RELN: variants seen among roughly 807,000 people sequenced by gnomAD.
The protein encoded by RELN is reelin.
Under a neutral mutation model 427.6 loss-of-function variants are expected in RELN, and 108 were observed. That is an observed-to-expected ratio of 0.25 (90% CI 0.22 to 0.30). RELN has a LOEUF of 0.30. Ranked by LOEUF, RELN falls within the 10% of genes least tolerant of loss-of-function variation. The probability of loss-of-function intolerance (pLI) is 1.00; values close to 1 mark genes in which losing one functional copy is unlikely to be tolerated. For synonymous variants in RELN, 1,524 were observed against 1,513.4 expected (o/e 1.01, Z -0.16); for missense variants, 3,715 against 4,302.8 (o/e 0.86, Z 3.82).
rs1832678387 is a variant in RELN at position 103,640,679 on chromosome 7, T to C, written c.2003-70A>G. The C allele has an allele frequency of 6.7e-7, 1 of 1,494,246 alleles. No homozygotes were observed. The highest frequency in any genetic ancestry group is 1.4e-5 in the African/African-American group (1 of 72,404). 92.6% of individuals were successfully genotyped at this position (1,494,246 alleles called of 1,614,324 possible). The stretch of plus-strand genomic sequence containing the variant: ...CTACCAGTACAATTTTGTGAAGTAA[T>C]ACTCATGAAATATGGCCCCTTGTGT... On this transcript the variant is annotated intron_variant, in intron 16 of 64. Transcript: ENST00000428762. This position sits in a 1 kb window ranked among gnomAD's most constrained non-coding sequence, Gnocchi z 4.1.
intron 4 of RELN, among the ~76,000 whole-genome samples, chr7:103,753,974 T>TA (rs1466150007): frequency 3.9e-5 from 6 of 152,200 alleles, no homozygotes; most frequent in Non-Finnish European, 7.3e-5. Context: ...TGAAAACATT[T>TA]TGTCAAGGTG....
intron 2 of RELN, among the ~76,000 whole-genome samples, chr7:103,876,016 A>G (rs1236918031): frequency 2.6e-5 from 4 of 152,118 alleles, no homozygotes; most frequent in Non-Finnish European, 4.4e-5. Flanking sequence ...TAAAGACAAC[A>G]TAAAAACAGG....
At position 103,731,635 on chromosome 7, in the gene RELN, T is replaced by C. The variant is rs887563814; in HGVS notation, c.657-3428A>G. Among the ~76,000 whole-genome samples, 7 of 152,190 alleles carry C rather than the reference T, an allele frequency of 4.6e-5. No individual in the cohort carries two copies. In the South Asian group the frequency reaches 1.5e-3, roughly 32 times the overall value. On this transcript the variant is annotated intron_variant, in intron 6 of 64. Transcript: ENST00000428762. ...TCCAAAGTCATGTGGCAAATCCAAC[T>C]TTTAGAAAAATTACTATAGCAAATT...
chr7:103,671,052 G>T (rs1313055369), intron 11 of RELN, among the ~76,000 whole-genome samples: 1 of 151,968 alleles, frequency 6.6e-6, no homozygotes. Context: ...CATTTATAAG[G>T]TCTATATTTG....
chr7:103,918,218 G>C (rs1795531461), intron 1 of RELN, among the ~76,000 whole-genome samples: 1 of 152,028 alleles, frequency 6.6e-6, no homozygotes, highest in African/African-American at 2.4e-5. Context: ...CTCCCATAAT[G>C]GCATGGGGGA....
At chr7:103,519,273 G>A in intron 49 of RELN, 50 bp downstream of exon 49, 1 of 1,412,402 alleles carries the variant, frequency 7.1e-7, no homozygotes, top group Non-Finnish European at 1.0e-6. Context: ...ATTGCTGGTA[G>A]CAATCTCTGC....
intron 7 of RELN, among the ~76,000 whole-genome samples, chr7:103,724,316 C>G (rs1001008571): frequency 3.3e-5 from 5 of 152,050 alleles, no homozygotes; most frequent in African/African-American, 1.2e-4. Flanking sequence ...GCAGAAGGGT[C>G]AAGTGCTATA....
chr7:103,971,528 T>C (rs896612439), intron 1 of RELN, among the ~76,000 whole-genome samples: 1 of 152,168 alleles, frequency 6.6e-6, no homozygotes, highest in Admixed American at 6.5e-5. Flanking sequence ...AAAACAATTA[T>C]AAAATACTCT....
At chr7:103,714,692 A>G (rs977180932) in intron 8 of RELN, among the ~76,000 whole-genome samples, 2 of 152,164 alleles carry the variant, frequency 1.3e-5, no homozygotes, top group African/African-American at 4.8e-5. Flanking sequence ...AGTTTGATTC[A>G]AGGGTAAGAA....
chr7:103,604,355 C>T lies in RELN; in HGVS notation c.3137G>A (p.Gly1046Asp), dbSNP rs745685865. 3.7e-6 allele frequency: 6 copies of T among 1,613,654 alleles called. No homozygotes were observed. The highest frequency in any genetic ancestry group is 2.2e-5 in the East Asian group (1 of 44,862). The stretch of plus-strand genomic sequence containing the variant: ...TTTCTGGTGCACATACCTGCATATG[C>T]CATGATCGCATGAGCCATGCCCACT... ...MCSGHGSCDH[G>D]ICRCDQGYQG... is the part of the protein sequence containing the mutation. Residue 1046 changes from glycine to aspartate, a missense_variant, in exon 23 of 65, where the codon GGC becomes GAC. Around this residue, in one of 4 missense-constraint regions of RELN, gnomAD observed 2,208 missense variants for 2,361.7 expected, o/e 0.93. Transcript: ENST00000428762.
At chr7:103,941,034 C>T (rs1291198816) in intron 1 of RELN, among the ~76,000 whole-genome samples, 1 of 152,044 alleles carries the variant, frequency 6.6e-6, no homozygotes, top group Non-Finnish European at 1.5e-5. Context: ...CGTTCAAGGC[C>T]CAAATCTTCC....
chr7:103,535,919 A>G (rs558913804), intron 45 of RELN, among the ~76,000 whole-genome samples: 1 of 145,714 alleles, frequency 6.9e-6, no homozygotes, highest in Middle Eastern at 3.6e-3. Context: ...CATTTAATAT[A>G]GTATAATACT....
intron 2 of RELN, among the ~76,000 whole-genome samples, chr7:103,865,584 G>T (rs1252199282): frequency 2.0e-5 from 3 of 152,112 alleles, no homozygotes; most frequent in Admixed American, 6.6e-5. Context: ...GGGTGGCAAG[G>T]ATAGTTCCAA....
intron 1 of RELN, among the ~76,000 whole-genome samples, chr7:103,937,329 C>G (rs1371966451): frequency 6.6e-6 from 1 of 152,212 alleles, no homozygotes; most frequent in East Asian, 1.9e-4. Context: ...CAATGTGTCT[C>G]ACAGACATGT....
chr7:103,497,629 CCTT>C (rs1828880488), intron 55 of RELN, among the ~76,000 whole-genome samples, 188 bp downstream of exon 55: 1 of 152,166 alleles, frequency 6.6e-6, no homozygotes, highest in East Asian at 1.9e-4. Flanking sequence ...TGATTTCTCT[CCTT>C]CCCTTTTTGC....
At chr7:103,724,966 C>G (rs903391082) in intron 7 of RELN, among the ~76,000 whole-genome samples, 1 of 151,666 alleles carries the variant, frequency 6.6e-6, no homozygotes, top group Non-Finnish European at 1.5e-5. Context: ...GTTATTAAGC[C>G]TTTATATTTG....
At chr7:103,733,234 A>T (rs1584445127) in intron 6 of RELN, among the ~76,000 whole-genome samples, 2 of 151,876 alleles carry the variant, frequency 1.3e-5, no homozygotes, top group Non-Finnish European at 1.5e-5. Context: ...TCAAAACCAC[A>T]ATGAGATACC....
intron 6 of RELN, among the ~76,000 whole-genome samples, chr7:103,740,759 T>G (rs1487821410): frequency 1.3e-5 from 2 of 152,236 alleles, no homozygotes; most frequent in Non-Finnish European, 2.9e-5. Flanking sequence ...TAAATTGACC[T>G]ACCTCTCTAA....
intron 1 of RELN, among the ~76,000 whole-genome samples, chr7:103,951,011 C>T (rs1335508562): frequency 6.6e-6 from 1 of 152,138 alleles, no homozygotes; most frequent in East Asian, 1.9e-4. Context: ...CTCACTGCAA[C>T]CTCCGCCTCC....
Sources: gnomAD v4.1 joint callset for allele counts (sites outside exome capture counted in the v4.1 genomes callset) on GRCh38, gnomAD v4.1.1 for gene constraint, gnomAD v4.1.1 regional missense constraint, Gnocchi (gnomAD v3.1) non-coding constraint, MANE v1.5 for transcripts, NCBI Gene and HGNC (gene_info 2026-07-23, HGNC 2026-07-21) for gene names.